Variants in MC2R observed in about 807,000 individuals in gnomAD.
MC2R encodes the protein adrenocorticotropic hormone receptor.
Under a neutral mutation model 9.8 loss-of-function variants are expected in MC2R, and 9 were observed. That is an observed-to-expected ratio of 0.92 (90% CI 0.55 to 1.60). The LOEUF (loss-of-function observed/expected upper bound fraction) is 1.60, where lower values mean the gene tolerates loss of function less well. Among genes scored for constraint, MC2R ranks in the 40% most tolerant of loss-of-function variants. The pLI, the probability that MC2R is intolerant of heterozygous loss-of-function variation, is 0.00. For missense variants in MC2R, 370 were observed against 389.0 expected (o/e 0.95, Z 0.41); for synonymous variants, 185 against 154.7 (o/e 1.20, Z -1.45).
chr18:13,899,721 G>A (rs1203780423), intron 1 of MC2R, among the ~76,000 whole-genome samples: 1 of 152,100 alleles, frequency 6.6e-6, no homozygotes, highest in Non-Finnish European at 1.5e-5. Context: ...AAGTGCTGAA[G>A]GGAAAAACTT....
intron 1 of MC2R, among the ~76,000 whole-genome samples, chr18:13,901,856 G>A (rs2045381816): frequency 6.6e-6 from 1 of 152,038 alleles, no homozygotes; most frequent in Non-Finnish European, 1.5e-5. Flanking sequence ...AATAGAGGAG[G>A]AAGGAACACT....
chr18:13,888,362 C>A (rs2045290324), intron 1 of MC2R, among the ~76,000 whole-genome samples: 1 of 152,146 alleles, frequency 6.6e-6, no homozygotes, highest in Non-Finnish European at 1.5e-5. Context: ...TGGTGTGTGG[C>A]CCCATTCTTG....
intron 1 of MC2R, among the ~76,000 whole-genome samples, chr18:13,907,700 A>T (rs952122161): frequency 6.6e-6 from 1 of 152,244 alleles, no homozygotes; most frequent in Admixed American, 6.5e-5. Flanking sequence ...CAAATAATCC[A>T]ATTTAAAAAT....
chr18:13,901,558 C>T (rs541083568), intron 1 of MC2R, among the ~76,000 whole-genome samples: 28 of 151,992 alleles, frequency 1.8e-4, no homozygotes, highest in South Asian at 1.0e-3. Flanking sequence ...AAAAAAGAGA[C>T]GTTACAACTG....
At chr18:13,901,008 G>C (rs1224603755) in intron 1 of MC2R, among the ~76,000 whole-genome samples, 1 of 151,966 alleles carries the variant, frequency 6.6e-6, no homozygotes, top group African/African-American at 2.4e-5. Flanking sequence ...CACAAAACAA[G>C]TCTTAAAACA....
chr18:13,902,011 C>A (rs2045383082), intron 1 of MC2R, among the ~76,000 whole-genome samples: 1 of 152,034 alleles, frequency 6.6e-6, no homozygotes, highest in African/African-American at 2.4e-5. Context: ...ACTGGCAAAC[C>A]AAATTCAACA....
intron 1 of MC2R, among the ~76,000 whole-genome samples, chr18:13,891,596 G>A (rs553667759): frequency 1.3e-5 from 2 of 152,146 alleles, no homozygotes; most frequent in East Asian, 1.9e-4. Flanking sequence ...GTGCTGTCAG[G>A]CTTTTGGATT....
intron 1 of MC2R, among the ~76,000 whole-genome samples, chr18:13,901,890 G>A (rs58117462): frequency 0.012 from 1,890 of 152,092 alleles, 25 homozygotes; most frequent in African/African-American, 0.043. Context: ...TACAATACCA[G>A]TATTACCCTG....
At chr18:13,905,861 T>A (rs942586419) in intron 1 of MC2R, among the ~76,000 whole-genome samples, 2 of 152,046 alleles carry the variant, frequency 1.3e-5, no homozygotes, top group African/African-American at 4.8e-5. Flanking sequence ...ATCGAGACCA[T>A]CCTGGCCAAC....
chr18:13,889,743 G>A (rs1403834669), intron 1 of MC2R, among the ~76,000 whole-genome samples: 1 of 152,130 alleles, frequency 6.6e-6, no homozygotes, highest in Non-Finnish European at 1.5e-5. Flanking sequence ...GTAAGGAGAA[G>A]GCTCTATTAT....
At position 13,884,683 on chromosome 18, in the gene MC2R, C is replaced by T. The variant is rs781388223; in HGVS notation, c.836G>A (p.Arg279Gln). The T allele has an allele frequency of 1.5e-5, 24 of 1,613,920 alleles. No homozygotes were observed. Among genetic ancestry groups the T allele is most frequent in the Admixed American group, 3.3e-5 (2 of 59,994 alleles). ...AVIDPFIYAF[R>Q]SPELRDAFKK... is the part of the protein sequence containing the mutation. Reference sequence around the variant, plus strand: ...GAATGCGTCCCTGAGCTCTGGGCTCCGGAAGGCATATATGAAGGGGTCAAT... The same window carrying T: ...GAATGCGTCCCTGAGCTCTGGGCTCTGGAAGGCATATATGAAGGGGTCAAT... Residue 279 changes from arginine (R) to glutamine (Q), a missense_variant, in exon 2 of 2, where the codon CGG (arginine) becomes CAG (glutamine). By Grantham distance (43) the Arg-to-Gln change is conservative. Coordinates refer to ENST00000327606, the MANE Select transcript of MC2R (RefSeq NM_000529.2).
At chr18:13,895,836 T>A (rs529946219) in intron 1 of MC2R, among the ~76,000 whole-genome samples, 1 of 152,124 alleles carries the variant, frequency 6.6e-6, no homozygotes, top group South Asian at 2.1e-4. Context: ...GGAGGAGCCA[T>A]CCGCAACAGC....
At chr18:13,897,673 A>AT (rs1251658306) in intron 1 of MC2R, among the ~76,000 whole-genome samples, 2 of 151,868 alleles carry the variant, frequency 1.3e-5, no homozygotes, top group Non-Finnish European at 2.9e-5. Flanking sequence ...TGCATCTTGG[A>AT]TATCAGCTCA....
At chr18:13,903,688 T>C (rs2045393950) in intron 1 of MC2R, among the ~76,000 whole-genome samples, 1 of 152,156 alleles carries the variant, frequency 6.6e-6, no homozygotes, top group Admixed American at 6.5e-5. Flanking sequence ...AGTTAGTGTA[T>C]GTGTGGGGTG....
chr18:13,901,348 A>T (rs1397808265), intron 1 of MC2R, among the ~76,000 whole-genome samples: 1 of 152,134 alleles, frequency 6.6e-6, no homozygotes. Context: ...GAAAAGCAAG[A>T]GCAAACCAAA....
At chr18:13,897,852 C>A (rs187691578) in intron 1 of MC2R, among the ~76,000 whole-genome samples, 26 of 151,938 alleles carry the variant, frequency 1.7e-4, no homozygotes, top group African/African-American at 6.3e-4. Context: ...AGCCTTTAGG[C>A]CCTGAGCAAC....
intron 1 of MC2R, among the ~76,000 whole-genome samples, chr18:13,913,681 C>T (rs75572064): frequency 1.1e-4 from 17 of 152,338 alleles, no homozygotes; most frequent in African/African-American, 3.8e-4. Flanking sequence ...TCTCCCTGGG[C>T]CTGGACACGT....
intron 1 of MC2R, among the ~76,000 whole-genome samples, chr18:13,890,440 A>T (rs2045309022): frequency 6.6e-6 from 1 of 152,136 alleles, no homozygotes; most frequent in African/African-American, 2.4e-5. Context: ...TCTAGAGGGC[A>T]GTCCTGTAAT....
chr18:13,885,099 G>A lies in MC2R; in HGVS notation c.420C>T (p.Ser140=). The A allele has an allele frequency of 6.2e-7, 1 of 1,614,186 alleles. No homozygotes were observed. The highest frequency in any genetic ancestry group is 8.5e-7 in the Non-Finnish European group (1 of 1,180,040). ...CCACAGTGCGGCGCATGGTCACGAT[G>A]CTGTGGTACCGCAGTGCGTGGAAGA... The part of the protein sequence containing the change: ...ITIFHALRYH[S]IVTMRRTVVV... Residue 140 remains serine, a synonymous_variant, in exon 2 of 2, where the codon AGC becomes AGT. Coordinates refer to ENST00000327606, the MANE Select transcript of MC2R (RefSeq NM_000529.2).
Sources: gnomAD v4.1 joint callset for allele counts (sites outside exome capture counted in the v4.1 genomes callset) on GRCh38, gnomAD v4.1.1 for gene constraint, MANE v1.5 for transcripts, NCBI Gene and HGNC (gene_info 2026-07-23, HGNC 2026-07-21) for gene names.